SNX14: variants seen among roughly 807,000 people sequenced by gnomAD.
SNX14 encodes sorting nexin-14.
A neutral mutation model predicts 133.8 loss-of-function variants in SNX14; 93 were observed. The observed-to-expected ratio is 0.70, with a 90% CI of 0.59 to 0.83. SNX14 has a LOEUF of 0.83. Ranked by LOEUF, SNX14 falls within the 40% of genes least tolerant of loss-of-function variation. The pLI is 0.00. For missense variants in SNX14, 945 were observed against 1,094.9 expected, an observed-to-expected ratio of 0.86 and a Z score of 1.93; for synonymous variants, 368 against 365.6, an observed-to-expected ratio of 1.01 and a Z score of -0.07.
intron 8 of SNX14, among the ~76,000 whole-genome samples, 159 bp from the exon 9 acceptor site, chr6:85,548,535 C>T (rs1786551984): frequency 6.6e-6 from 1 of 152,208 alleles, no homozygotes; most frequent in Non-Finnish European, 1.5e-5. Context: ...AACAAACTCT[C>T]AACCAATGTT....
intron 1 of SNX14, chr6:85,589,834 G>A (rs1471580079): frequency 1.3e-5 from 2 of 152,222 alleles, no homozygotes; most frequent in Non-Finnish European, 1.5e-5. Flanking sequence ...CTTCAATGGT[G>A]TAATCCTTCC....
chr6:85,568,549 T>G (rs1459126961), intron 4 of SNX14: 2 of 152,176 alleles, frequency 1.3e-5, no homozygotes, highest in Admixed American at 6.5e-5. Context: ...AAACAAACCC[T>G]GGGTGTTAAA....
At chr6:85,551,016 T>G (rs1328406012) in intron 7 of SNX14, among the ~76,000 whole-genome samples, 2 of 152,106 alleles carry the variant, frequency 1.3e-5, no homozygotes, top group African/African-American at 4.8e-5. Flanking sequence ...CCTGACTTCA[T>G]GTGATCCACC....
intron 18 of SNX14, among the ~76,000 whole-genome samples, chr6:85,531,434 T>C (rs1304255239): frequency 1.3e-5 from 2 of 152,226 alleles, no homozygotes; most frequent in South Asian, 4.1e-4. Context: ...GATTTGAGAA[T>C]GCAGTAGATC....
At chr6:85,554,269 A>C (rs1788858436) in intron 7 of SNX14, among the ~76,000 whole-genome samples, 3 of 151,858 alleles carry the variant, frequency 2.0e-5, no homozygotes, top group South Asian at 2.1e-4. Context: ...TAAATGTTGA[A>C]TATACACATA....
chr6:85,516,765 G>C (rs1182065277), intron 23 of SNX14, among the ~76,000 whole-genome samples: 1 of 151,520 alleles, frequency 6.6e-6, no homozygotes, highest in Non-Finnish European at 1.5e-5. Context: ...GGCCTCCCGA[G>C]TAGCTAGGAT....
At chr6:85,534,701 ATCT>A (rs767920126) in intron 17 of SNX14, among the ~76,000 whole-genome samples, 2 of 152,232 alleles carry the variant, frequency 1.3e-5, no homozygotes. Context: ...TAAAAAATAC[ATCT>A]TCTTCCACAA....
At chr6:85,580,713 C>T (rs1798781743) in intron 1 of SNX14, among the ~76,000 whole-genome samples, 1 of 152,142 alleles carries the variant, frequency 6.6e-6, no homozygotes, top group Admixed American at 6.5e-5. Flanking sequence ...TTGATAGAGT[C>T]TAGCAGCACT....
At chr6:85,535,483 G>A (rs528275367) in intron 17 of SNX14, among the ~76,000 whole-genome samples, 2 of 151,990 alleles carry the variant, frequency 1.3e-5, no homozygotes, top group East Asian at 3.9e-4. Context: ...GGGCATGGTG[G>A]CGGGCGCCTG....
rs748052867 is a variant in SNX14 at position 85,548,288 on chromosome 6, T to C, written c.867+13A>G. 3 of 1,582,638 alleles carry C rather than the reference T, an allele frequency of 1.9e-6. No homozygotes were observed. The highest frequency in any genetic ancestry group is 2.6e-6 in the Non-Finnish European group (3 of 1,163,778). On this transcript the variant is annotated intron_variant, in intron 9 of 28. Coordinates refer to ENST00000314673, the MANE Select transcript of SNX14 (RefSeq NM_153816.6). ...TAATTTGTAACAATTTAAAAAAAAA[T>C]CTTAAGTCTTACTGGATCAGCTAGG...
intron 6 of SNX14, among the ~76,000 whole-genome samples, chr6:85,560,370 G>T (rs1418693659): frequency 6.6e-6 from 1 of 152,132 alleles, no homozygotes; most frequent in Non-Finnish European, 1.5e-5. Flanking sequence ...CTGAGTAAAA[G>T]AAACCAGTCA....
At chr6:85,583,603 A>G (rs1289840650) in intron 1 of SNX14, among the ~76,000 whole-genome samples, 1 of 152,222 alleles carries the variant, frequency 6.6e-6, no homozygotes, top group Non-Finnish European at 1.5e-5. Flanking sequence ...ACTATACACC[A>G]ATAACAGACT....
At position 85,528,373 on chromosome 6, in the gene SNX14, T is replaced by C. The variant is rs768172099; in HGVS notation, c.1895-11A>G. The C allele has an allele frequency of 6.9e-6, 11 of 1,594,286 alleles. No homozygotes were observed. The highest frequency in any genetic ancestry group is 1.7e-4 in the Middle Eastern group (1 of 6,018). On this transcript the variant is annotated splice_polypyrimidine_tract_variant and intron_variant, in intron 19 of 28. Coordinates refer to ENST00000314673, the MANE Select transcript of SNX14 (RefSeq NM_153816.6). Reference sequence around the variant, plus strand: ...CATCAGGAAATGCACCTGAAATTAGTATATATTATAGTTATTACTGTGTTC... The same window carrying C: ...CATCAGGAAATGCACCTGAAATTAGCATATATTATAGTTATTACTGTGTTC...
In SNX14 at chr6:85,558,045, T is replaced by G. The variant is rs148838600; in HGVS notation, c.565A>C (p.Ile189Leu). 6 of 1,555,842 alleles carry G rather than the reference T, an allele frequency of 3.9e-6. No homozygotes were observed. The highest frequency in any genetic ancestry group is 5.3e-6 in the Non-Finnish European group (6 of 1,133,856). ...RRIHKVDIPS[I>L]ITKKLLKAAM... is the part of the protein sequence containing the mutation. ...GCTTTTAATAGTTTCTTGGTTATAA[T>G]AGATGGAATATCCACCTAGAAAAAT... is the stretch of plus-strand genomic sequence containing the variant. Residue 189 changes from isoleucine to leucine, a missense_variant, in exon 7 of 29, where the codon ATT becomes CTT. Ile to Leu is a conservative substitution (Grantham distance 5). Transcript: ENST00000314673.
chr6:85,565,246 C>A, intron 6 of SNX14, 86 bp downstream of exon 6: 1 of 736,304 alleles, frequency 1.4e-6, no homozygotes, highest in Non-Finnish European at 2.3e-6. Flanking sequence ...TGTACATTTG[C>A]CATGTACTCA....
chr6:85,512,418 T>TC (rs1359271935), intron 26 of SNX14, among the ~76,000 whole-genome samples: 1 of 152,034 alleles, frequency 6.6e-6, no homozygotes, highest in Non-Finnish European at 1.5e-5. Flanking sequence ...GGTCAGGAGT[T>TC]CGAGACCAGC....
intron 20 of SNX14, among the ~76,000 whole-genome samples, chr6:85,526,797 C>A (rs377659458): frequency 6.6e-6 from 1 of 152,266 alleles, no homozygotes; most frequent in African/African-American, 2.4e-5. Context: ...GGGCTGGGTG[C>A]GGTGGCTCAT....
At chr6:85,540,946 A>G (rs1387315325) in intron 15 of SNX14, among the ~76,000 whole-genome samples, 4 of 152,014 alleles carry the variant, frequency 2.6e-5, no homozygotes, top group African/African-American at 9.7e-5. Flanking sequence ...TGAAAGGTAA[A>G]TGAAATGATT....
Position 85,567,533 on chromosome 6 carries a change from C to A in SNX14, c.461+1G>T. 1 of 1,503,946 alleles carries A rather than the reference C, an allele frequency of 6.6e-7. No individual in the cohort carries two copies. The highest frequency in any genetic ancestry group is 8.8e-7 in the Non-Finnish European group (1 of 1,133,970). 93.2% of individuals were successfully genotyped at this position (1,503,946 alleles called of 1,614,324 possible). A position where few individuals can be genotyped will look rare whatever the true frequency, so the allele number is the denominator to read the frequency against. Reference sequence around the variant, plus strand: ...AAAAAGATCTTATAGAAAGAACATACCTGTACCACGGATAAACAAAGTTTT... The same window carrying A: ...AAAAAGATCTTATAGAAAGAACATAACTGTACCACGGATAAACAAAGTTTT... On this transcript the variant is annotated splice_donor_variant, in intron 5 of 28. Transcript: ENST00000314673. LOFTEE classifies it high-confidence loss of function.
Sources: allele counts gnomAD v4.1 joint callset (sites outside exome capture counted in the v4.1 genomes callset), GRCh38; gene constraint gnomAD v4.1.1; transcripts MANE v1.5; gene names NCBI Gene and HGNC (gene_info 2026-07-23, HGNC 2026-07-21).